The following FGF14 variants were observed in gnomAD, a reference collection of about 807,000 sequenced individuals.
FGF14 encodes fibroblast growth factor 14, also known as fibroblast growth factor homologous factor 4.
Under a neutral mutation model 25.5 loss-of-function variants are expected in FGF14, and 5 were observed. That is an observed-to-expected ratio of 0.20 (90% CI 0.10 to 0.41). FGF14 has a LOEUF of 0.41. FGF14 is among the 10% of genes least tolerant of loss of function. The pLI, the probability that FGF14 is intolerant of heterozygous loss-of-function variation, is 1.00. For missense variants in FGF14, 222 were observed against 320.1 expected, an observed-to-expected ratio of 0.69 and a Z score of 2.34; for synonymous variants, 138 against 118.3, an observed-to-expected ratio of 1.17 and a Z score of -1.08.
intron 1 of FGF14, among the ~76,000 whole-genome samples, chr13:102,295,744 T>C (rs1012585925): frequency 4.6e-5 from 7 of 152,134 alleles, no homozygotes; most frequent in African/African-American, 1.4e-4. Context: ...CATACAACCA[T>C]ATTAGCAGAA....
intron 1 of FGF14, among the ~76,000 whole-genome samples, chr13:101,880,111 G>A (rs1288776734): frequency 6.6e-6 from 1 of 152,086 alleles, no homozygotes; most frequent in Admixed American, 6.6e-5. Context: ...TAGGAACCTG[G>A]TTCCAGTTAC....
At chr13:101,863,573 G>T (rs2044538956) in intron 3 of FGF14, among the ~76,000 whole-genome samples, 1 of 152,160 alleles carries the variant, frequency 6.6e-6, no homozygotes, top group African/African-American at 2.4e-5. Flanking sequence ...AGACAGGACA[G>T]GTGCTAGGGA....
chr13:102,309,135 T>TAC (rs34911009), intron 1 of FGF14, among the ~76,000 whole-genome samples: 7,441 of 142,440 alleles, frequency 0.052, 214 homozygotes, highest in African/African-American at 0.085. Flanking sequence ...ATGCATAACA[T>TAC]ACACACACAC....
At chr13:101,991,964 G>A (rs1038364053) in intron 1 of FGF14, among the ~76,000 whole-genome samples, 2 of 152,112 alleles carry the variant, frequency 1.3e-5, no homozygotes, top group Admixed American at 1.3e-4. Flanking sequence ...TAACTGATTA[G>A]GGTTTTGCCA....
At chr13:101,923,168 G>A (rs977999966) in intron 1 of FGF14, among the ~76,000 whole-genome samples, 1 of 152,008 alleles carries the variant, frequency 6.6e-6, no homozygotes, top group African/African-American at 2.4e-5. Context: ...AATATGACGT[G>A]TACTTGATCG....
At chr13:101,753,928 A>G (rs985726903) in intron 3 of FGF14, among the ~76,000 whole-genome samples, 1 of 152,226 alleles carries the variant, frequency 6.6e-6, no homozygotes, top group African/African-American at 2.4e-5. Flanking sequence ...GTTTGAAGAA[A>G]GTAGCCAGAT....
chr13:101,758,865 T>C (rs1157847550), intron 3 of FGF14, among the ~76,000 whole-genome samples: 3 of 152,188 alleles, frequency 2.0e-5, no homozygotes, highest in African/African-American at 7.2e-5. Flanking sequence ...ATAAGCACCC[T>C]AGATGATTCT....
chr13:102,231,478 G>A (rs2051080900), intron 1 of FGF14, among the ~76,000 whole-genome samples: 1 of 152,134 alleles, frequency 6.6e-6, no homozygotes, highest in Admixed American at 6.5e-5. Flanking sequence ...CAGGGTCTGT[G>A]GGGTAAAACA....
chr13:101,976,452 G>A (rs1295512331), intron 1 of FGF14, among the ~76,000 whole-genome samples: 1 of 152,126 alleles, frequency 6.6e-6, no homozygotes, highest in Non-Finnish European at 1.5e-5. Context: ...ATTGGGTGCT[G>A]TAAAACTTAC....
chr13:102,097,445 C>CTACT (rs1264667819), intron 1 of FGF14, among the ~76,000 whole-genome samples: 3 of 152,142 alleles, frequency 2.0e-5, no homozygotes, highest in Admixed American at 2.0e-4. Context: ...AGTATTTTGC[C>CTACT]TACTTGATCA....
intron 1 of FGF14, among the ~76,000 whole-genome samples, chr13:101,922,699 T>C (rs1014197984): frequency 6.6e-6 from 1 of 152,058 alleles, no homozygotes; most frequent in African/African-American, 2.4e-5. Flanking sequence ...CTTATTGAAA[T>C]TGAATTGATT....
At chr13:101,791,510 C>A (rs1330253100) in intron 3 of FGF14, among the ~76,000 whole-genome samples, 1 of 152,098 alleles carries the variant, frequency 6.6e-6, no homozygotes, top group Non-Finnish European at 1.5e-5. Context: ...ACAAGCATAC[C>A]TACTCATTAG....
At chr13:101,941,721 C>A (rs1488611141) in intron 1 of FGF14, among the ~76,000 whole-genome samples, 1 of 152,176 alleles carries the variant, frequency 6.6e-6, no homozygotes, top group East Asian at 1.9e-4. Flanking sequence ...AAAGGTTTAA[C>A]AAATTGAAAT....
intron 1 of FGF14, among the ~76,000 whole-genome samples, chr13:102,053,776 C>A (rs978595134): frequency 2.6e-5 from 4 of 152,032 alleles, no homozygotes; most frequent in Non-Finnish European, 5.9e-5. Flanking sequence ...TTGTACTTTG[C>A]ACAGCTGGGA....
chr13:101,732,922 A>C (rs1483270915), intron 3 of FGF14, among the ~76,000 whole-genome samples: 5 of 152,034 alleles, frequency 3.3e-5, no homozygotes, highest in Non-Finnish European at 5.9e-5. Context: ...GATCTACTAG[A>C]GTTTATCTGA....
intron 1 of FGF14, among the ~76,000 whole-genome samples, chr13:102,311,859 G>C (rs1043063774): frequency 6.6e-6 from 1 of 152,122 alleles, no homozygotes; most frequent in Non-Finnish European, 1.5e-5. Flanking sequence ...ACAACTTACC[G>C]ATGTGCTAAA....
intron 1 of FGF14, among the ~76,000 whole-genome samples, chr13:102,268,379 A>C (rs542222344): frequency 2.0e-5 from 3 of 152,296 alleles, no homozygotes; most frequent in Admixed American, 1.3e-4. Flanking sequence ...ACATTTTTGC[A>C]TGATAATTTT....
chr13:101,753,308 C>G (rs1175892737), intron 3 of FGF14, among the ~76,000 whole-genome samples: 3 of 150,662 alleles, frequency 2.0e-5, no homozygotes, highest in African/African-American at 7.3e-5. Flanking sequence ...GACACACACA[C>G]ACACACACAC....
chr13:102,292,662 C>A (rs1038762526), intron 1 of FGF14: 1 of 152,208 alleles, frequency 6.6e-6, no homozygotes, highest in Non-Finnish European at 1.5e-5. Flanking sequence ...ACCTCACCTA[C>A]AACAATGGGC....
Sources: allele counts gnomAD v4.1 joint callset (sites outside exome capture counted in the v4.1 genomes callset), GRCh38; gene constraint gnomAD v4.1.1; transcripts MANE v1.5; gene names NCBI Gene and HGNC (gene_info 2026-07-23, HGNC 2026-07-21).